ZMAT4: variants seen among roughly 807,000 people sequenced by gnomAD.
ZMAT4 encodes the protein zinc finger matrin-type 4, also known as zinc finger matrin-type protein 4.
In ZMAT4, 17 loss-of-function variants were observed where a neutral mutation model predicts 28.7. That is an observed-to-expected ratio of 0.59 (90% confidence interval 0.41 to 0.89). The LOEUF (loss-of-function observed/expected upper bound fraction) is 0.89. ZMAT4 is among the 40% of genes least tolerant of loss of function. ZMAT4 has a pLI of 0.00. For missense variants in ZMAT4, 240 were observed against 283.8 expected, an observed-to-expected ratio of 0.85 and a Z score of 1.11; for synonymous variants, 117 against 109.2, an observed-to-expected ratio of 1.07 and a Z score of -0.44.
chr8:40,836,317 A>G (rs1408264168), intron 1 of ZMAT4, among the ~76,000 whole-genome samples: 1 of 152,240 alleles, frequency 6.6e-6, no homozygotes, highest in African/African-American at 2.4e-5. Context: ...AAATGTATAC[A>G]GGAATTTGTA....
At chr8:40,589,766 C>CTTTCTTTCTTTCTTTCTT (rs1308357546) in intron 5 of ZMAT4, among the ~76,000 whole-genome samples, 138 of 134,670 alleles carry the variant, frequency 1.0e-3, no homozygotes, top group African/African-American at 3.2e-3. Context: ...CTTTCTTTTT[C>CTTTCTTTCTTTCTTTCTT]TTTCTTTCTT....
chr8:40,611,357 CT>C (rs869135091), intron 5 of ZMAT4, among the ~76,000 whole-genome samples: 273 of 146,098 alleles, frequency 1.9e-3, no homozygotes, highest in African/African-American at 2.9e-3. Flanking sequence ...CAGAAACTCA[CT>C]TTTTTTTTTT....
At chr8:40,737,826 A>G (rs1470047785) in intron 3 of ZMAT4, among the ~76,000 whole-genome samples, 1 of 151,350 alleles carries the variant, frequency 6.6e-6, no homozygotes, top group African/African-American at 2.4e-5. Context: ...TTTTTTTTTA[A>G]TGAAGAGGAT....
chr8:40,629,528 G>A (rs1340316700), intron 5 of ZMAT4, among the ~76,000 whole-genome samples: 1 of 151,484 alleles, frequency 6.6e-6, no homozygotes, highest in Non-Finnish European at 1.5e-5. Context: ...TTAGCATTAC[G>A]TATATCTCCT....
At chr8:40,828,319 C>T (rs888481492) in intron 1 of ZMAT4, among the ~76,000 whole-genome samples, 15 of 152,150 alleles carry the variant, frequency 9.9e-5, no homozygotes, top group Admixed American at 8.5e-4. Context: ...TTATCATGTT[C>T]CCTGCTATTT....
At position 40,674,737 on chromosome 8, in the gene ZMAT4, G is replaced by T. The variant is rs754824068; in HGVS notation, c.544C>A (p.Leu182Met). 1 of 1,613,912 alleles carries T rather than the reference G, an allele frequency of 6.2e-7. No individual in the cohort carries two copies. The highest frequency in any genetic ancestry group is 8.5e-7 in the Non-Finnish European group (1 of 1,179,884). ...TCCCCCATATCCAGGGTTGTCCCCA[G>T]TTGTTCTAACAAAGCAACTCTTGCC... Reference protein sequence around the residue: ...NAARVALLEQLGTTLDMGELR... With the variant: ...NAARVALLEQMGTTLDMGELR... Residue 182 changes from leucine to methionine, a missense_variant, in exon 5 of 7, where the codon CTG (leucine) becomes ATG (methionine). Physicochemically the swap from Leu to Met is conservative, Grantham distance 15. Coordinates refer to ENST00000297737, the MANE Select transcript of ZMAT4 (RefSeq NM_024645.3).
intron 3 of ZMAT4, among the ~76,000 whole-genome samples, chr8:40,720,858 T>A (rs533112888): frequency 1.3e-5 from 2 of 152,056 alleles, no homozygotes; most frequent in African/African-American, 4.8e-5. Flanking sequence ...TGTTTCCTTT[T>A]AGCACAATCT....
chr8:40,704,320 T>C (rs1422941759), intron 3 of ZMAT4, among the ~76,000 whole-genome samples: 25 of 152,198 alleles, frequency 1.6e-4, no homozygotes, highest in Admixed American at 1.6e-3. Context: ...TGGGTAACGT[T>C]ATCTCCCACT....
At chr8:40,820,396 GTGTA>G (rs1815718710) in intron 2 of ZMAT4, among the ~76,000 whole-genome samples, 2 of 133,810 alleles carry the variant, frequency 1.5e-5, no homozygotes, top group Non-Finnish European at 3.2e-5. Flanking sequence ...AGGTGTTTGT[GTGTA>G]TGTGTGTGAA....
chr8:40,701,506 A>ATTTTT (rs58912869), intron 3 of ZMAT4, among the ~76,000 whole-genome samples: 4 of 73,886 alleles, frequency 5.4e-5, no homozygotes, highest in African/African-American at 1.0e-4. Flanking sequence ...ACTATGCAGA[A>ATTTTT]TTTTTTTTTT....
At chr8:40,707,700 TA>T (rs1238826526) in intron 3 of ZMAT4, among the ~76,000 whole-genome samples, 1 of 152,212 alleles carries the variant, frequency 6.6e-6, no homozygotes, top group Non-Finnish European at 1.5e-5. Flanking sequence ...TCAAATGGTT[TA>T]AAAGAATAGA....
At chr8:40,567,696 G>C (rs571763087) in intron 6 of ZMAT4, among the ~76,000 whole-genome samples, 34 of 140,476 alleles carry the variant, frequency 2.4e-4, no homozygotes, top group African/African-American at 8.7e-4. Context: ...GAGCAAGACT[G>C]TCTCAAAAAA....
chr8:40,850,972 A>G (rs1300940188), intron 1 of ZMAT4, among the ~76,000 whole-genome samples: 1 of 152,158 alleles, frequency 6.6e-6, no homozygotes, highest in Admixed American at 6.5e-5. Context: ...ATCTTTATTA[A>G]CTCATTTTAA....
intron 5 of ZMAT4, among the ~76,000 whole-genome samples, chr8:40,620,160 C>T (rs1415842041): frequency 6.6e-6 from 1 of 152,128 alleles, no homozygotes; most frequent in Admixed American, 6.5e-5. Flanking sequence ...AGGAATGCAG[C>T]AGGTTATTGC....
intron 6 of ZMAT4, among the ~76,000 whole-genome samples, chr8:40,558,600 G>C (rs1309928049): frequency 6.6e-6 from 1 of 152,136 alleles, no homozygotes; most frequent in African/African-American, 2.4e-5. Context: ...GAAATAAGGG[G>C]AGATTTGGGG....
Position 40,622,427 on chromosome 8 carries a change from C to T in ZMAT4, c.578-41166G>A, listed in dbSNP as rs747008169. The stretch of plus-strand genomic sequence containing the variant: ...AAGAACCTGGCATAACACAGAGTTA[C>T]GGAGAAAAAAGAACACTGGCAGAAT... On this transcript the variant is annotated intron_variant, in intron 5 of 6. Transcript: ENST00000297737. Among the ~76,000 whole-genome samples, 26 of 152,210 alleles carry T rather than the reference C, an allele frequency of 1.7e-4. No homozygotes were observed. In the East Asian group the frequency reaches 3.5e-3, roughly 20 times the overall value.
intron 2 of ZMAT4, among the ~76,000 whole-genome samples, chr8:40,802,302 T>A (rs548648009): frequency 6.6e-6 from 1 of 152,164 alleles, no homozygotes; most frequent in Non-Finnish European, 1.5e-5. Context: ...TCTTCACAAA[T>A]GACATGATTG....
chr8:40,699,156 G>A (rs1286637897), intron 3 of ZMAT4, among the ~76,000 whole-genome samples: 7 of 152,270 alleles, frequency 4.6e-5, no homozygotes, highest in East Asian at 3.9e-4. Flanking sequence ...ATGGAAGCCA[G>A]GGAGATGGCA....
intron 6 of ZMAT4, among the ~76,000 whole-genome samples, chr8:40,570,294 G>C (rs1232051180): frequency 5.3e-5 from 8 of 152,158 alleles, no homozygotes; most frequent in Admixed American, 5.2e-4. Context: ...TCTACATCTT[G>C]ATTGGGCTGA....
Sources: gnomAD v4.1 joint callset for allele counts (sites outside exome capture counted in the v4.1 genomes callset) on GRCh38, gnomAD v4.1.1 for gene constraint, MANE v1.5 for transcripts, NCBI Gene and HGNC (gene_info 2026-07-23, HGNC 2026-07-21) for gene names.